Variants in GPC5 observed in about 807,000 individuals in gnomAD.
GPC5 encodes the protein glypican 5.
In GPC5, 47 loss-of-function variants were observed where a neutral mutation model predicts 53.9. The observed-to-expected ratio is 0.87, with a 90% CI of 0.69 to 1.11. The LOEUF is 1.11. GPC5 is among the 50% of genes most tolerant of loss of function. The pLI is 0.00. For missense variants in GPC5, 748 were observed against 713.1 expected (o/e 1.05, Z -0.56); for synonymous variants, 286 against 263.3 (o/e 1.09, Z -0.84).
chr13:91,881,908 C>CA (rs1336907803), intron 5 of GPC5, among the ~76,000 whole-genome samples: 1 of 152,144 alleles, frequency 6.6e-6, no homozygotes, highest in Non-Finnish European at 1.5e-5. Context: ...ATCTAATCCA[C>CA]AAAAACTTAA....
chr13:91,921,787 A>G (rs531813828), intron 6 of GPC5, among the ~76,000 whole-genome samples: 49 of 145,574 alleles, frequency 3.4e-4, no homozygotes, highest in Admixed American at 1.2e-3. Flanking sequence ...TTAAAAAAAA[A>G]AAAGAAAGAA....
chr13:92,218,096 A>T (rs116536896), intron 7 of GPC5, among the ~76,000 whole-genome samples: 7,681 of 150,604 alleles, frequency 0.051, 537 homozygotes, highest in African/African-American at 0.16. Flanking sequence ...ACTAATTTTT[A>T]AAAAAAAATT....
chr13:91,997,942 C>A (rs921720348), intron 6 of GPC5, among the ~76,000 whole-genome samples: 2 of 152,140 alleles, frequency 1.3e-5, no homozygotes, highest in Non-Finnish European at 2.9e-5. Context: ...TCTAGAAATT[C>A]TTTCAAGGTC....
intron 7 of GPC5, among the ~76,000 whole-genome samples, chr13:92,797,445 C>A (rs1409510974): frequency 6.6e-6 from 1 of 151,836 alleles, no homozygotes; most frequent in African/African-American, 2.4e-5. Flanking sequence ...CTCAATAATT[C>A]TATGACAGTG....
rs565911231 is a variant in GPC5 at position 92,301,847 on chromosome 13, G to A, written c.1561+156858G>A. On this transcript the variant is annotated intron_variant, in intron 7 of 7. Transcript: ENST00000377067. ...CAGGAGGCAGAGGTTGCAGTGAAAC[G>A]AGATCGTGCCACTGCACTCCAGCCT... Among the ~76,000 whole-genome samples, 11 of 152,210 alleles carry A rather than the reference G, an allele frequency of 7.2e-5. No homozygotes were observed. The South Asian group carries it at 2.1e-3, about 29-fold the overall frequency.
chr13:91,794,516 A>G (rs2352030), intron 5 of GPC5, among the ~76,000 whole-genome samples: 54,666 of 152,078 alleles, frequency 0.36, 11,139 homozygotes, highest in African/African-American at 0.56. Flanking sequence ...AGCTCTCTAC[A>G]AATGTCTTCT....
At chr13:92,250,639 AATT>A (rs775084509) in intron 7 of GPC5, among the ~76,000 whole-genome samples, 6 of 152,128 alleles carry the variant, frequency 3.9e-5, no homozygotes, top group Non-Finnish European at 8.8e-5. Flanking sequence ...TCTGCTTTAA[AATT>A]ATTACTTTTG....
chr13:92,323,310 G>A lies in GPC5; in HGVS notation c.1561+178321G>A, dbSNP rs144718493. ...ACCAAAAAATACATACATATACAAC[G>A]TATATATATACAACATACATATATA... On this transcript the variant is annotated intron_variant, in intron 7 of 7. Coordinates refer to ENST00000377067, the MANE Select transcript of GPC5 (RefSeq NM_004466.6). 3.7e-3 allele frequency among the ~76,000 whole-genome samples: 547 copies of A among 148,104 alleles called. 3 individuals are homozygous for A. The highest frequency in any genetic ancestry group is 0.013 in the African/African-American group (532 of 40,694).
intron 7 of GPC5, among the ~76,000 whole-genome samples, chr13:92,690,919 C>A (rs1299534865): frequency 3.3e-5 from 2 of 61,116 alleles, no homozygotes; most frequent in Non-Finnish European, 6.0e-5. Context: ...AGGCAGTCTG[C>A]CCATTCTCAG....
intron 7 of GPC5, among the ~76,000 whole-genome samples, chr13:92,372,953 T>C (rs1048896401): frequency 6.6e-6 from 1 of 152,244 alleles, no homozygotes; most frequent in Non-Finnish European, 1.5e-5. Flanking sequence ...TTAAAGTTTG[T>C]AGATAATATC....
chr13:92,607,914 T>G (rs553063933), intron 7 of GPC5, among the ~76,000 whole-genome samples: 2 of 152,270 alleles, frequency 1.3e-5, no homozygotes, highest in Admixed American at 1.3e-4. Flanking sequence ...GACCAACACC[T>G]CCTCTTTCTC....
chr13:92,767,728 G>A (rs986637607), intron 7 of GPC5, among the ~76,000 whole-genome samples: 1 of 151,960 alleles, frequency 6.6e-6, no homozygotes. Flanking sequence ...AGGAAAGTAC[G>A]TACACAATGG....
At chr13:92,498,324 G>A (rs1278907416) in intron 7 of GPC5, among the ~76,000 whole-genome samples, 1 of 152,060 alleles carries the variant, frequency 6.6e-6, no homozygotes, top group African/African-American at 2.4e-5. Context: ...GGCCACATGT[G>A]CCATATGTTT....
At chr13:91,833,151 G>A (rs994536501) in intron 5 of GPC5, among the ~76,000 whole-genome samples, 3 of 152,098 alleles carry the variant, frequency 2.0e-5, no homozygotes, top group African/African-American at 7.2e-5. Context: ...TAGAAGAAAT[G>A]GATAAATTCC....
At chr13:92,505,443 A>G (rs1880333360) in intron 7 of GPC5, among the ~76,000 whole-genome samples, 1 of 152,030 alleles carries the variant, frequency 6.6e-6, no homozygotes, top group Non-Finnish European at 1.5e-5. Context: ...CTCCCACTAA[A>G]AAAAAGTATT....
intron 7 of GPC5, among the ~76,000 whole-genome samples, chr13:92,278,092 A>C (rs1448115999): frequency 6.6e-6 from 1 of 151,898 alleles, no homozygotes; most frequent in African/African-American, 2.4e-5. Flanking sequence ...TGAGAAATGC[A>C]AATATTAGTT....
At chr13:91,598,889 A>G (rs1008317040) in intron 2 of GPC5, among the ~76,000 whole-genome samples, 1 of 151,920 alleles carries the variant, frequency 6.6e-6, no homozygotes, top group African/African-American at 2.4e-5. Context: ...TCAGAAGGTG[A>G]GCTCAAAACA....
intron 7 of GPC5, among the ~76,000 whole-genome samples, chr13:92,703,052 A>ATATTTATTTATTTATTTATTTATT (rs138015246): frequency 8.2e-5 from 12 of 145,806 alleles, no homozygotes; most frequent in African/African-American, 3.0e-4. Context: ...GCATATATAT[A>ATATTTATTTATTTATTTATTTATT]TATTTATTTA....
intron 7 of GPC5, among the ~76,000 whole-genome samples, chr13:92,169,837 GTTTA>G (rs936406910): frequency 1.3e-5 from 2 of 151,990 alleles, no homozygotes; most frequent in Admixed American, 6.5e-5. Context: ...AATACATTGA[GTTTA>G]TTTATTTTAT....
Sources: gnomAD v4.1 joint callset for allele counts (sites outside exome capture counted in the v4.1 genomes callset) on GRCh38, gnomAD v4.1.1 for gene constraint, MANE v1.5 for transcripts, NCBI Gene and HGNC (gene_info 2026-07-23, HGNC 2026-07-21) for gene names.